Variants in CEP128 observed in about 807,000 individuals in gnomAD.
The protein encoded by CEP128 is centrosomal protein 128kDa.
In CEP128, 132 loss-of-function variants were observed where a neutral mutation model predicts 156.7. The observed-to-expected ratio is 0.84, with a 90% CI of 0.73 to 0.97. CEP128 has a LOEUF of 0.97. Ranked by LOEUF, CEP128 falls within the 50% of genes least tolerant of loss-of-function variation. The pLI, the probability that CEP128 is intolerant of heterozygous loss-of-function variation, is 0.00. For synonymous variants in CEP128, 469 were observed against 448.9 expected, an observed-to-expected ratio of 1.04 and a Z score of -0.57; for missense variants, 1,252 against 1,281.9, an observed-to-expected ratio of 0.98 and a Z score of 0.36.
At chr14:80,822,718 G>A (rs1410150284) in intron 13 of CEP128, 13 of 856,936 alleles carry the variant, frequency 1.5e-5, no homozygotes, top group East Asian at 2.4e-5. Flanking sequence ...CTGGCAAGGA[G>A]GGGAATAGCC....
chr14:80,755,475 T>C (rs1899608199), intron 18 of CEP128, among the ~76,000 whole-genome samples: 1 of 152,212 alleles, frequency 6.6e-6, no homozygotes, highest in Non-Finnish European at 1.5e-5. Flanking sequence ...TTGGACTTCA[T>C]AATTTTATTA....
In CEP128 at chr14:80,914,292, G is replaced by C. The variant is rs2288348; in HGVS notation, c.234+30C>G. The C allele has an allele frequency of 3.5e-4, 546 of 1,546,446 alleles. 9 individuals carry two copies. The East Asian group carries it at 0.012, about 34-fold the overall frequency. ...ACTTCATTCCCAAAAAGGTGGGTAGGAGAAAATGCAAACAAATGTAGTTTC... is the reference window on the plus strand; with the variant it reads ...ACTTCATTCCCAAAAAGGTGGGTAGCAGAAAATGCAAACAAATGTAGTTTC... On this transcript the variant is annotated intron_variant, in intron 4 of 24. Coordinates refer to ENST00000555265, the MANE Select transcript of CEP128 (RefSeq NM_152446.5).
rs200135744 is a variant in CEP128 at position 80,792,974 on chromosome 14, C to G, written c.1346G>C (p.Arg449Pro). The change falls in exon 14 of 25, where the codon CGC becomes CCC. Residue 449 changes from arginine to proline, a missense_variant. Transcript: ENST00000555265. ...HADLQISELTRHAEDATKQAE... is the reference protein window; with the variant it reads ...HADLQISELTPHAEDATKQAE... The stretch of plus-strand genomic sequence containing the variant: ...CTGCTTGGTTGCATCCTCCGCATGG[C>G]GAGTCAGCTCTGAGATCTGAAGGTC... 14 of 1,614,054 alleles carry G rather than the reference C, an allele frequency of 8.7e-6. No homozygotes were observed. Among genetic ancestry groups the G allele is most frequent in the Non-Finnish European group, 1.2e-5 (14 of 1,180,036 alleles).
intron 23 of CEP128, among the ~76,000 whole-genome samples, chr14:80,511,094 A>C (rs1425718448): frequency 1.6e-5 from 2 of 128,816 alleles, no homozygotes; most frequent in Non-Finnish European, 3.2e-5. Flanking sequence ...CTTCTTCTGG[A>C]TTTGGTATCA....
At chr14:80,665,960 G>T (rs1473557895) in intron 19 of CEP128, among the ~76,000 whole-genome samples, 1 of 152,166 alleles carries the variant, frequency 6.6e-6, no homozygotes, top group Non-Finnish European at 1.5e-5. Context: ...GAAGGGAGGA[G>T]TAAACACTAT....
chr14:80,585,117 AT>A (rs1239791924), intron 19 of CEP128, among the ~76,000 whole-genome samples: 1 of 152,266 alleles, frequency 6.6e-6, no homozygotes, highest in African/African-American at 2.4e-5. Flanking sequence ...ATACTCACTC[AT>A]TATGACATAA....
intron 2 of CEP128, among the ~76,000 whole-genome samples, chr14:80,953,170 C>T (rs1291639843): frequency 6.6e-6 from 1 of 151,358 alleles, no homozygotes; most frequent in Non-Finnish European, 1.5e-5. Flanking sequence ...TAATTGCCCT[C>T]ATACCAAAAT....
At chr14:80,869,831 G>T (rs759296865) in intron 8 of CEP128, among the ~76,000 whole-genome samples, 2 of 151,640 alleles carry the variant, frequency 1.3e-5, no homozygotes, top group Non-Finnish European at 2.9e-5. Context: ...AAAAGATAAA[G>T]AAAACTGACA....
At chr14:80,619,154 A>C (rs1284855875) in intron 19 of CEP128, among the ~76,000 whole-genome samples, 3 of 152,094 alleles carry the variant, frequency 2.0e-5, no homozygotes, top group African/African-American at 4.8e-5. Flanking sequence ...GGAAAATGTA[A>C]ACAAAAGACT....
rs746549440 is a variant in CEP128, at chr14:80,505,003, C to G, written c.3090G>C (p.Leu1030=). 6.3e-7 allele frequency: 1 copy of G among 1,594,190 alleles called. No homozygotes were observed. The highest frequency in any genetic ancestry group is 1.1e-5 in the South Asian group (1 of 87,202). ...CTAACCCACGAGTGTGGGAACCTTC[C>G]AGAAAGGTTCTGTCACCCTAAGGAA... is the stretch of plus-strand genomic sequence containing the variant. ...TKSFKGDRTF[L]EGSHTRGLDH... is the part of the protein sequence containing the mutation. The change falls in exon 24 of 25, where the codon CTG becomes CTC. Residue 1030 remains leucine (L), a synonymous_variant. Transcript: ENST00000555265.
chr14:80,835,704 C>T (rs182628023), intron 12 of CEP128, among the ~76,000 whole-genome samples: 119 of 152,018 alleles, frequency 7.8e-4, no homozygotes, highest in East Asian at 5.8e-4. Context: ...ATTCCTAAAC[C>T]ACATAAAAAG....
intron 21 of CEP128, among the ~76,000 whole-genome samples, chr14:80,538,506 A>C (rs1889587939): frequency 6.6e-6 from 1 of 152,104 alleles, no homozygotes; most frequent in African/African-American, 2.4e-5. Flanking sequence ...AAATTTACAG[A>C]GCTCACCCGT....
chr14:80,584,160 TTTTG>T (rs71103864), intron 19 of CEP128, among the ~76,000 whole-genome samples: 22,523 of 124,676 alleles, frequency 0.18, 2,199 homozygotes, highest in East Asian at 0.29. Context: ...TTTTTTTTTT[TTTTG>T]TTTGACAGCG....
intron 13 of CEP128, among the ~76,000 whole-genome samples, chr14:80,796,547 T>A (rs1203898000): frequency 5.9e-5 from 9 of 152,196 alleles, no homozygotes; most frequent in African/African-American, 9.7e-5. Flanking sequence ...TCTGCTTCCT[T>A]AACTTTCATA....
At chr14:80,678,332 G>A (rs1896173970) in intron 19 of CEP128, among the ~76,000 whole-genome samples, 1 of 149,772 alleles carries the variant, frequency 6.7e-6, no homozygotes, top group African/African-American at 2.5e-5. Flanking sequence ...AACACAGCTT[G>A]ACATTGCTTA....
chr14:80,555,508 C>A (rs1406683195), intron 21 of CEP128, among the ~76,000 whole-genome samples: 1 of 152,008 alleles, frequency 6.6e-6, no homozygotes, highest in East Asian at 1.9e-4. Context: ...TTAAACACTC[C>A]TTTAAGTCAT....
At chr14:80,917,334 G>A (rs145452380) in intron 2 of CEP128, among the ~76,000 whole-genome samples, 23 of 152,226 alleles carry the variant, frequency 1.5e-4, no homozygotes, top group African/African-American at 5.5e-4. Flanking sequence ...AAGAAACTAA[G>A]TAAGTTCAGA....
At chr14:80,747,905 T>TCC (rs1899187210) in intron 18 of CEP128, among the ~76,000 whole-genome samples, 1 of 152,232 alleles carries the variant, frequency 6.6e-6, no homozygotes, top group Non-Finnish European at 1.5e-5. Flanking sequence ...GTCCTGATTT[T>TCC]CTACTTGAGG....
Position 80,526,976 on chromosome 14 carries a change from A to T in CEP128, c.2965T>A (p.Cys989Ser). Residue 989 changes from cysteine (C) to serine (S), a missense_variant, in exon 23 of 25, where the codon TGC becomes AGC. Transcript: ENST00000555265. ...LEDFKDFRDS[C>S]SSSERTDGRY... The stretch of plus-strand genomic sequence containing the variant: ...CCATCAGTTCTCTCAGATGAACTGC[A>T]GGAATCCTGGAAAAAAAAAAAAGCA... 3 of 1,481,232 alleles carry T rather than the reference A, an allele frequency of 2.0e-6. No homozygotes were observed. Among genetic ancestry groups the T allele is most frequent in the Non-Finnish European group, 2.8e-6 (3 of 1,090,054 alleles). The allele number at this position is 1,481,232 out of a possible 1,614,324, so 91.8% of individuals were successfully genotyped here. A position where few individuals can be genotyped will look rare whatever the true frequency, so the allele number is the denominator to read the frequency against.
Sources: gnomAD v4.1 joint callset for allele counts (sites outside exome capture counted in the v4.1 genomes callset) on GRCh38, gnomAD v4.1.1 for gene constraint, MANE v1.5 for transcripts, NCBI Gene and HGNC (gene_info 2026-07-23, HGNC 2026-07-21) for gene names.